Variants in GOLGA4 observed in about 807,000 individuals in gnomAD.
GOLGA4 encodes golgin A4, also known as golgin subfamily A member 4.
GOLGA4 carries 169 observed loss-of-function variants against 265.9 expected under a neutral mutation model. That is an observed-to-expected ratio of 0.64 (90% CI 0.56 to 0.72). GOLGA4 has a LOEUF of 0.72. Among genes scored for constraint, GOLGA4 ranks in the 30% least tolerant of loss-of-function variants. The pLI is 0.00. For synonymous variants in GOLGA4, 923 were observed against 855.8 expected, an observed-to-expected ratio of 1.08 and a Z score of -1.37; for missense variants, 2,482 against 2,483.4, an observed-to-expected ratio of 1.00 and a Z score of 0.01.
chr3:37,364,203 C>T (rs1454139537), intron 23 of GOLGA4, among the ~76,000 whole-genome samples: 1 of 151,990 alleles, frequency 6.6e-6, no homozygotes, highest in East Asian at 1.9e-4. Context: ...AAACTCATAT[C>T]TTGATGTGAC....
chr3:37,247,377 C>T (rs2096722411), intron 1 of GOLGA4, among the ~76,000 whole-genome samples: 1 of 152,094 alleles, frequency 6.6e-6, no homozygotes, highest in South Asian at 2.1e-4. Context: ...TATGTAGTCC[C>T]TACACAATGG....
At chr3:37,274,729 A>G (rs1441386622) in intron 2 of GOLGA4, among the ~76,000 whole-genome samples, 1 of 151,756 alleles carries the variant, frequency 6.6e-6, no homozygotes, top group African/African-American at 2.4e-5. Context: ...AGTGTTGGAG[A>G]TGAACATTTG....
chr3:37,243,796 C>G, intron 1 of GOLGA4, 174 bp downstream of exon 1: 1 of 598,058 alleles, frequency 1.7e-6, no homozygotes. Context: ...GTCCGTAACT[C>G]CTGACCTGGA....
chr3:37,337,032 G>A, intron 17 of GOLGA4, 111 bp from the exon 18 acceptor site: 1 of 711,152 alleles, frequency 1.4e-6, no homozygotes, highest in Non-Finnish European at 2.4e-6. Flanking sequence ...CCACTCCCTT[G>A]AGACTCTTAA....
intron 2 of GOLGA4, among the ~76,000 whole-genome samples, chr3:37,262,204 A>G (rs958056055): frequency 6.6e-6 from 1 of 152,164 alleles, no homozygotes; most frequent in South Asian, 2.1e-4. Context: ...AAAAATAACT[A>G]ATTAGAAATC....
chr3:37,243,598 C>G lies in GOLGA4; in HGVS notation c.48C>G (p.Leu16=), dbSNP rs761080337. The G allele has an allele frequency of 4.3e-6, 7 of 1,613,568 alleles. No homozygotes were observed. In the African/African-American group the frequency reaches 9.3e-5, roughly 22 times the overall value. ...KQKISEEQQQ[L]QQALAPAQAS... The stretch of plus-strand genomic sequence containing the variant: ...AGATCAGCGAGGAGCAGCAGCAGCT[C>G]CAGCAGGCGCTGGCTCCTGCTCAGG... Residue 16 remains leucine, a synonymous_variant, in exon 1 of 24, where the codon CTC becomes CTG. Coordinates refer to ENST00000361924, the MANE Select transcript of GOLGA4 (RefSeq NM_002078.5).
intron 11 of GOLGA4, among the ~76,000 whole-genome samples, chr3:37,316,121 A>G (rs2096936922): frequency 6.6e-6 from 1 of 151,996 alleles, no homozygotes; most frequent in South Asian, 2.1e-4. Context: ...ATAGATTTTC[A>G]ATTTTTCAGA....
In GOLGA4 at chr3:37,315,517, C is replaced by T. The variant is rs749194446; in HGVS notation, c.1332C>T (p.Ile444=). ...KAEMDEQIKT[I]EKTSEEERIS... is the part of the protein sequence containing the mutation. ...AAATGGATGAACAAATAAAAACTAT[C>T]GAAAAAACAAGTGAGGAGGAACGCA... Residue 444 remains isoleucine, a synonymous_variant, in exon 11 of 24, where the codon ATC becomes ATT. Transcript: ENST00000361924. The T allele has an allele frequency of 1.1e-5, 18 of 1,613,486 alleles. No individual in the cohort carries two copies. Among genetic ancestry groups the T allele is most frequent in the African/African-American group, 2.7e-5 (2 of 74,812 alleles).
At chr3:37,273,638 C>A in intron 2 of GOLGA4, 1 of 1,047,810 alleles carries the variant, frequency 9.5e-7, no homozygotes, top group South Asian at 1.4e-5. Flanking sequence ...AATAACAAGT[C>A]ATTTCAGAGT....
At chr3:37,280,164 A>AT (rs2096830990) in intron 2 of GOLGA4, among the ~76,000 whole-genome samples, 1 of 152,158 alleles carries the variant, frequency 6.6e-6, no homozygotes, top group South Asian at 2.1e-4. Flanking sequence ...CCCTGAACAC[A>AT]TTTTGTTTTA....
At chr3:37,329,607 A>G (rs75343728) in intron 16 of GOLGA4, among the ~76,000 whole-genome samples, 2,099 of 152,308 alleles carry the variant, frequency 0.014, 45 homozygotes, top group African/African-American at 0.048. Context: ...GGAATGCATA[A>G]GCCAAATCTT....
intron 2 of GOLGA4, among the ~76,000 whole-genome samples, chr3:37,255,787 C>T (rs917167522): frequency 2.0e-5 from 3 of 150,326 alleles, no homozygotes; most frequent in Non-Finnish European, 4.4e-5. Flanking sequence ...GGGTCTCACT[C>T]TGTTGCCCAG....
At chr3:37,314,000 T>G (rs1369640001) in intron 10 of GOLGA4, among the ~76,000 whole-genome samples, 1 of 151,190 alleles carries the variant, frequency 6.6e-6, no homozygotes, top group Non-Finnish European at 1.5e-5. Flanking sequence ...AGTCTTGCTC[T>G]GTCGGCCAGG....
At chr3:37,362,232 T>TATTTATTA (rs1696345719) in intron 23 of GOLGA4, among the ~76,000 whole-genome samples, 3 of 120,240 alleles carry the variant, frequency 2.5e-5, no homozygotes, top group African/African-American at 8.3e-5. Flanking sequence ...TTTATTTATT[T>TATTTATTA]ATTTATTATT....
intron 7 of GOLGA4, 96 bp from the exon 8 acceptor site, chr3:37,298,737 T>G: frequency 4.0e-4 from 299 of 749,996 alleles, no homozygotes; most frequent in Middle Eastern, 5.0e-4. Context: ...ATGGAGTCGG[T>G]TAGATTAGAT....
chr3:37,316,884 A>G (rs2096939155), intron 11 of GOLGA4, among the ~76,000 whole-genome samples: 1 of 151,820 alleles, frequency 6.6e-6, no homozygotes, highest in South Asian at 2.1e-4. Context: ...CTTAAAAACC[A>G]CATGGACAAT....
At chr3:37,256,554 T>C (rs2150626778) in intron 2 of GOLGA4, among the ~76,000 whole-genome samples, 1 of 152,312 alleles carries the variant, frequency 6.6e-6, no homozygotes, top group Middle Eastern at 3.4e-3. Context: ...GCATTGACTC[T>C]GAAGTCTACA....
intron 20 of GOLGA4, among the ~76,000 whole-genome samples, chr3:37,342,200 C>A (rs868236041): frequency 6.6e-6 from 1 of 151,988 alleles, no homozygotes; most frequent in Non-Finnish European, 1.5e-5. Context: ...AAAAATTAGC[C>A]GCGTATGGTG....
chr3:37,321,159 A>G (rs989847386), intron 12 of GOLGA4, among the ~76,000 whole-genome samples: 1 of 152,178 alleles, frequency 6.6e-6, no homozygotes, highest in Non-Finnish European at 1.5e-5. Context: ...TTAAAACACT[A>G]AACACTTTAA....
Sources: allele counts gnomAD v4.1 joint callset (sites outside exome capture counted in the v4.1 genomes callset), GRCh38; gene constraint gnomAD v4.1.1; transcripts MANE v1.5; gene names NCBI Gene and HGNC (gene_info 2026-07-23, HGNC 2026-07-21).